Variants in CCAR1 observed in about 807,000 individuals in gnomAD.
The protein encoded by CCAR1 is cell division cycle and apoptosis regulator 1.
In CCAR1, 78 loss-of-function variants were observed where a neutral mutation model predicts 163.8. The observed-to-expected ratio is 0.48, with a 90% confidence interval of 0.40 to 0.57. The LOEUF is 0.57. CCAR1 is among the 20% of genes least tolerant of loss of function. The pLI is 0.00. For missense variants in CCAR1, 1,019 were observed against 1,365.2 expected, an observed-to-expected ratio of 0.75 and a Z score of 4.00; for synonymous variants, 443 against 460.7, an observed-to-expected ratio of 0.96 and a Z score of 0.49.
chr10:68,765,270 A>G (rs2056522649), intron 16 of CCAR1, among the ~76,000 whole-genome samples: 1 of 152,208 alleles, frequency 6.6e-6, no homozygotes. Flanking sequence ...AGATCTTAAA[A>G]TAAATTCTCC....
At chr10:68,731,571 TATTAA>T (rs548231737) in intron 2 of CCAR1, among the ~76,000 whole-genome samples, 6 of 150,118 alleles carry the variant, frequency 4.0e-5, no homozygotes, top group African/African-American at 1.5e-4. Flanking sequence ...CTTCATTACC[TATTAA>T]ATTGTCTTGT....
Position 68,736,987 on chromosome 10 carries a change from A to G in CCAR1, c.185A>G (p.Gln62Arg). Residue 62 changes from glutamine to arginine, a missense_variant, in exon 3 of 25, where the codon CAG becomes CGG. By Grantham distance (43) the Gln-to-Arg change is conservative. This residue lies in a region of CCAR1 where 644 missense variants were observed against 904.4 expected (regional missense o/e 0.71). Coordinates refer to ENST00000265872, the MANE Select transcript of CCAR1 (RefSeq NM_018237.4). ...ACCACACAAACTCCAGCAAACTATC[A>G]GTTAACACAAACTGCTGCATTGCAG... ...GLTTQTPANY[Q>R]LTQTAALQQQ... 1 of 1,614,110 alleles carries G rather than the reference A, an allele frequency of 6.2e-7. No homozygotes were observed. Among genetic ancestry groups the G allele is most frequent in the Non-Finnish European group, 8.5e-7 (1 of 1,179,970 alleles).
intron 4 of CCAR1, among the ~76,000 whole-genome samples, chr10:68,739,283 A>G (rs1376424750): frequency 6.6e-6 from 1 of 152,014 alleles, no homozygotes; most frequent in African/African-American, 2.4e-5. Context: ...CTGAGTAGCT[A>G]GGATTACAGG....
chr10:68,774,298 G>C (rs898531991), intron 19 of CCAR1, among the ~76,000 whole-genome samples: 1 of 152,148 alleles, frequency 6.6e-6, no homozygotes, highest in African/African-American at 2.4e-5. Flanking sequence ...AAAATGCAGG[G>C]ATTATAGGCG....
At chr10:68,779,422 T>A (rs1207546265) in intron 19 of CCAR1, among the ~76,000 whole-genome samples, 1 of 151,540 alleles carries the variant, frequency 6.6e-6, no homozygotes, top group African/African-American at 2.4e-5. Context: ...CCATGCCCGG[T>A]TAATTTTTGT....
chr10:68,730,290 T>G (rs950169915), intron 2 of CCAR1, among the ~76,000 whole-genome samples: 22 of 151,368 alleles, frequency 1.5e-4, no homozygotes, highest in African/African-American at 5.1e-4. Flanking sequence ...CATGACTGTT[T>G]TAGTCATATG....
rs775637651 is a variant in CCAR1 at position 68,755,350 on chromosome 10, G to C, written c.1459-20G>C. 2.5e-6 allele frequency: 4 copies of C among 1,604,026 alleles called. No individual in the cohort carries two copies. Among genetic ancestry groups the C allele is most frequent in the Non-Finnish European group, 3.4e-6 (4 of 1,172,786 alleles). Reference sequence around the variant, plus strand: ...GACAGGGTGCGTAATATATGTAAATGATTCTTTGTTTTGAATTAGTTTTTA... The same window carrying C: ...GACAGGGTGCGTAATATATGTAAATCATTCTTTGTTTTGAATTAGTTTTTA... On this transcript the variant is annotated intron_variant, in intron 12 of 24. Transcript: ENST00000265872.
intron 2 of CCAR1, among the ~76,000 whole-genome samples, chr10:68,733,852 C>G (rs979843968): frequency 1.3e-5 from 2 of 151,944 alleles, no homozygotes; most frequent in Admixed American, 6.6e-5. Context: ...TTGGTAGAGA[C>G]AAGGTTTCAC....
chr10:68,732,440 C>T (rs1425006612), intron 2 of CCAR1, among the ~76,000 whole-genome samples: 2 of 152,118 alleles, frequency 1.3e-5, no homozygotes, highest in African/African-American at 2.4e-5. Flanking sequence ...ACCTCTGCCT[C>T]CCTAGTTCAG....
intron 19 of CCAR1, 86 bp from the exon 20 acceptor site, chr10:68,786,050 G>T: frequency 1.2e-6 from 1 of 850,478 alleles, no homozygotes; most frequent in Non-Finnish European, 2.0e-6. Flanking sequence ...CTCCTGAGTA[G>T]CTGGGATAAC....
chr10:68,775,270 A>G (rs965334293), intron 19 of CCAR1, among the ~76,000 whole-genome samples: 25 of 152,110 alleles, frequency 1.6e-4, no homozygotes, highest in Admixed American at 3.9e-4. Context: ...TTACTATGTA[A>G]TATCTCCTCT....
intron 2 of CCAR1, among the ~76,000 whole-genome samples, chr10:68,729,671 T>C (rs1441365679): frequency 6.7e-6 from 1 of 150,090 alleles, no homozygotes; most frequent in Non-Finnish European, 1.5e-5. Flanking sequence ...CTCAGGAGGC[T>C]GAGTCAGGAG....
rs1410182597 is a variant in CCAR1, at chr10:68,756,335, C to T, written c.1688C>T (p.Pro563Leu). ...GAGACCCACAAGGGGCGTACAGTTC[C>T]AGCTCATGTGGAGACAGTGGTTTTA... is the stretch of plus-strand genomic sequence containing the variant. ...PEETHKGRTV[P>L]AHVETVVLFF... Residue 563 changes from proline to leucine, a missense_variant, in exon 14 of 25, where the codon CCA becomes CTA. This residue lies in a region of CCAR1 where 644 missense variants were observed against 904.4 expected (regional missense o/e 0.71). Transcript: ENST00000265872. This position sits in a 1 kb window ranked among gnomAD's most constrained non-coding sequence, Gnocchi z 5.1. 1 of 1,613,978 alleles carries T rather than the reference C, an allele frequency of 6.2e-7. No individual in the cohort carries two copies. The highest frequency in any genetic ancestry group is 8.5e-7 in the Non-Finnish European group (1 of 1,180,022).
At chr10:68,783,792 C>T (rs943036914) in intron 19 of CCAR1, among the ~76,000 whole-genome samples, 32 of 151,986 alleles carry the variant, frequency 2.1e-4, no homozygotes, top group African/African-American at 7.5e-4. Flanking sequence ...GAGTCTTGCT[C>T]TGTCGCCCAG....
chr10:68,762,018 A>G (rs1184092206), intron 16 of CCAR1, among the ~76,000 whole-genome samples: 1 of 152,108 alleles, frequency 6.6e-6, no homozygotes, highest in Non-Finnish European at 1.5e-5. Context: ...CAACACCACA[A>G]TGAAGATACA....
At chr10:68,784,662 C>T (rs890478225) in intron 19 of CCAR1, among the ~76,000 whole-genome samples, 1 of 152,108 alleles carries the variant, frequency 6.6e-6, no homozygotes, top group Non-Finnish European at 1.5e-5. Context: ...GATCCTCCCA[C>T]GTCTGCCTCC....
intron 17 of CCAR1, among the ~76,000 whole-genome samples, chr10:68,769,089 C>T (rs142748021): frequency 2.0e-5 from 3 of 152,238 alleles, no homozygotes; most frequent in Non-Finnish European, 4.4e-5. Context: ...ATTCTCCTGC[C>T]TCGACGTCCC....
chr10:68,782,700 T>C (rs563484395), intron 19 of CCAR1, among the ~76,000 whole-genome samples: 2 of 152,314 alleles, frequency 1.3e-5, no homozygotes, highest in South Asian at 4.1e-4. Flanking sequence ...TTAAAAATTA[T>C]GCTAAACCTA....
In CCAR1 at chr10:68,755,432, G is replaced by A. The variant is rs369724620; in HGVS notation, c.1521G>A (p.Ser507=). ...AMAIGGHWSP[S]LDGPDPEKDP... Reference sequence around the variant, plus strand: ...CCATTGGAGGCCACTGGTCTCCTTCGTTGGATGGACCAGACCCAGAAAAAG... The same window carrying A: ...CCATTGGAGGCCACTGGTCTCCTTCATTGGATGGACCAGACCCAGAAAAAG... Residue 507 remains serine, a synonymous_variant, in exon 13 of 25, where the codon TCG becomes TCA. Transcript: ENST00000265872. 5.0e-6 allele frequency: 8 copies of A among 1,613,982 alleles called. No homozygotes were observed. The highest frequency in any genetic ancestry group is 1.1e-5 in the South Asian group (1 of 91,082).
Sources: gnomAD v4.1 joint callset for allele counts (sites outside exome capture counted in the v4.1 genomes callset) on GRCh38, gnomAD v4.1.1 for gene constraint, gnomAD v4.1.1 regional missense constraint, Gnocchi (gnomAD v3.1) non-coding constraint, MANE v1.5 for transcripts, NCBI Gene and HGNC (gene_info 2026-07-23, HGNC 2026-07-21) for gene names.